SCGN: variants seen among roughly 807,000 people sequenced by gnomAD.
SCGN encodes the protein secretagogin, EF-hand calcium binding protein.
Under a neutral mutation model 39.7 loss-of-function variants are expected in SCGN, and 30 were observed. That is an observed-to-expected ratio of 0.76 (90% CI 0.57 to 1.03). The LOEUF (loss-of-function observed/expected upper bound fraction) is 1.03. Ranked by LOEUF, SCGN falls within the 50% of genes least tolerant of loss-of-function variation. The pLI is 0.00. For synonymous variants in SCGN, 106 were observed against 114.1 expected, an observed-to-expected ratio of 0.93 and a Z score of 0.45; for missense variants, 353 against 349.4, an observed-to-expected ratio of 1.01 and a Z score of -0.08.
At chr6:25,684,172 G>A (rs921675171) in intron 7 of SCGN, among the ~76,000 whole-genome samples, 2 of 152,194 alleles carry the variant, frequency 1.3e-5, no homozygotes, top group Non-Finnish European at 2.9e-5. Context: ...GTAGGGCAGG[G>A]ACTATGCTCT....
Position 25,682,062 on chromosome 6 carries a change from T to C in SCGN, c.527+56T>C, listed in dbSNP as rs376518175. 49 of 1,308,064 alleles carry C rather than the reference T, an allele frequency of 3.7e-5. 1 individual carries two copies. The South Asian group carries it at 5.4e-4, about 15-fold the overall frequency. The allele number at this position is 1,308,064 out of a possible 1,614,324, so 81.0% of individuals were successfully genotyped here. ...CAGAAATACCTTACTAGGGGTCTGA[T>C]GACATCATATATTTCCTTTTGAGAC... On this transcript the variant is annotated intron_variant, in intron 7 of 10. Transcript: ENST00000377961.
chr6:25,653,541 A>G, intron 2 of SCGN, 89 bp downstream of exon 2: 3 of 910,320 alleles, frequency 3.3e-6, no homozygotes, highest in Non-Finnish European at 5.3e-6. Flanking sequence ...TATTAATTCC[A>G]ACTCACCTCC....
At chr6:25,670,511 A>G (rs535929901) in intron 6 of SCGN, among the ~76,000 whole-genome samples, 3 of 152,340 alleles carry the variant, frequency 2.0e-5, no homozygotes, top group South Asian at 4.1e-4. Context: ...TGAAGGATGC[A>G]TGTCCTACCT....
chr6:25,683,120 T>A (rs758662644), intron 7 of SCGN, among the ~76,000 whole-genome samples: 29 of 152,168 alleles, frequency 1.9e-4, no homozygotes, highest in Middle Eastern at 3.2e-3. Context: ...TTTGTCCACA[T>A]TGATATAGAA....
At chr6:25,669,390 A>T in intron 4 of SCGN, 121 bp from the exon 5 acceptor site, 1 of 857,882 alleles carries the variant, frequency 1.2e-6, no homozygotes, top group Non-Finnish European at 1.8e-6. Flanking sequence ...TAAAGTTTCC[A>T]TCAAAAGTGG....
chr6:25,652,290 G>A lies in SCGN; in HGVS notation c.-114G>A, dbSNP rs1760146905. On this transcript the variant is annotated 5_prime_UTR_variant, in exon 1 of 11. Coordinates refer to ENST00000377961, the MANE Select transcript of SCGN (RefSeq NM_006998.4). ...TCCTCCCCAGCAACAGTTACTCAAA[G>A]CTAATCAGATAGCGAAAGAAGCAGG... 2 of 841,652 alleles carry A rather than the reference G, an allele frequency of 2.4e-6. No individual in the cohort carries two copies. Among genetic ancestry groups the A allele is most frequent in the Admixed American group, 1.9e-5 (1 of 53,396 alleles). 52.1% of individuals were successfully genotyped at this position (841,652 alleles called of 1,614,324 possible).
chr6:25,662,095 A>G (rs1027360343), intron 3 of SCGN, among the ~76,000 whole-genome samples: 1 of 152,216 alleles, frequency 6.6e-6, no homozygotes, highest in African/African-American at 2.4e-5. Context: ...AAAGCACGAC[A>G]GACAATAGGT....
At chr6:25,675,856 G>A (rs1348047523) in intron 6 of SCGN, among the ~76,000 whole-genome samples, 3 of 152,082 alleles carry the variant, frequency 2.0e-5, no homozygotes, top group African/African-American at 4.8e-5. Context: ...CTAGTCTCAC[G>A]GTTTTGAAGA....
intron 2 of SCGN, among the ~76,000 whole-genome samples, chr6:25,653,845 G>A (rs1760177741): frequency 2.0e-5 from 3 of 152,172 alleles, no homozygotes. Flanking sequence ...TAATATGTAT[G>A]ATACTCCTCT....
At chr6:25,698,671 C>T (rs1177107282) in intron 10 of SCGN, among the ~76,000 whole-genome samples, 1 of 152,212 alleles carries the variant, frequency 6.6e-6, no homozygotes, top group Non-Finnish European at 1.5e-5. Flanking sequence ...TTGCCTGGTA[C>T]TGGCAGAGAA....
chr6:25,697,237 T>C (rs1759850478), intron 10 of SCGN, among the ~76,000 whole-genome samples: 1 of 152,260 alleles, frequency 6.6e-6, no homozygotes, highest in Non-Finnish European at 1.5e-5. Context: ...GACAGATATC[T>C]TAAGCAATAA....
chr6:25,653,281 G>T, intron 1 of SCGN, 101 bp from the exon 2 acceptor site: 2 of 818,322 alleles, frequency 2.4e-6, no homozygotes, highest in Non-Finnish European at 3.9e-6. Context: ...ATAGTGTTGA[G>T]GGAAGCTTTA....
At chr6:25,658,091 G>A (rs1760261465) in intron 2 of SCGN, among the ~76,000 whole-genome samples, 1 of 120,838 alleles carries the variant, frequency 8.3e-6, no homozygotes, top group African/African-American at 3.2e-5. Context: ...CCAGGCTGGA[G>A]TGCAGTGGTG....
At chr6:25,674,691 A>G (rs7755903) in intron 6 of SCGN, among the ~76,000 whole-genome samples, 77,890 of 152,098 alleles carry the variant, frequency 0.51, 20,410 homozygotes, top group Non-Finnish European at 0.58. Flanking sequence ...TGGCTGAAGC[A>G]TGACTAATGA....
chr6:25,668,833 C>T (rs1033564789), intron 4 of SCGN, among the ~76,000 whole-genome samples: 2 of 152,142 alleles, frequency 1.3e-5, no homozygotes, highest in Admixed American at 1.3e-4. Flanking sequence ...AGTTATTGGC[C>T]GGGCGCAGTG....
At chr6:25,683,191 A>T (rs182433614) in intron 7 of SCGN, among the ~76,000 whole-genome samples, 4 of 152,310 alleles carry the variant, frequency 2.6e-5, no homozygotes, top group Middle Eastern at 3.4e-3. Flanking sequence ...CCTGCGGCAG[A>T]AGGCATCTCG....
chr6:25,673,119 T>A (rs1316950853), intron 6 of SCGN, among the ~76,000 whole-genome samples: 1 of 152,106 alleles, frequency 6.6e-6, no homozygotes, highest in Non-Finnish European at 1.5e-5. Context: ...CATGACAAAA[T>A]AAGGAACATT....
At chr6:25,662,266 G>C (rs1582572807) in intron 3 of SCGN, among the ~76,000 whole-genome samples, 2 of 152,200 alleles carry the variant, frequency 1.3e-5, no homozygotes, top group South Asian at 4.2e-4. Flanking sequence ...CATATATTTT[G>C]TTATTGTATT....
At chr6:25,689,856 C>T (rs990493220) in intron 9 of SCGN, among the ~76,000 whole-genome samples, 6 of 152,076 alleles carry the variant, frequency 3.9e-5, no homozygotes, top group Non-Finnish European at 8.8e-5. Context: ...CCCTCCCACC[C>T]AATATTCAAC....
Sources: gnomAD v4.1 joint callset for allele counts (sites outside exome capture counted in the v4.1 genomes callset) on GRCh38, gnomAD v4.1.1 for gene constraint, MANE v1.5 for transcripts, NCBI Gene and HGNC (gene_info 2026-07-23, HGNC 2026-07-21) for gene names.